ZNRF2: variants seen among roughly 807,000 people sequenced by gnomAD.
The protein encoded by ZNRF2 is zinc and ring finger 2.
A neutral mutation model predicts 20.4 loss-of-function variants in ZNRF2; 16 were observed. The observed-to-expected ratio is 0.79, with a 90% CI of 0.53 to 1.19. The LOEUF (loss-of-function observed/expected upper bound fraction) is 1.19, where lower values mean the gene tolerates loss of function less well. Ranked by LOEUF, ZNRF2 falls within the 50% of genes most tolerant of loss-of-function variation. ZNRF2 has a pLI of 0.00. For missense variants in ZNRF2, 363 were observed against 332.4 expected (o/e 1.09, Z -0.72); for synonymous variants, 178 against 144.9 (o/e 1.23, Z -1.64).
chr7:30,326,868 G>T (rs1271814383), intron 2 of ZNRF2, among the ~76,000 whole-genome samples: 1 of 151,932 alleles, frequency 6.6e-6, no homozygotes, highest in African/African-American at 2.4e-5. Flanking sequence ...GTTTTGATTT[G>T]CATTTCTCTA....
chr7:30,355,915 C>G (rs144892006), intron 3 of ZNRF2, 82 bp downstream of exon 3: 19 of 959,182 alleles, frequency 2.0e-5, no homozygotes, highest in Non-Finnish European at 2.9e-5. Context: ...AAGGAATCTT[C>G]GTTGAAACCA....
chr7:30,286,827 C>G (rs1454498920), intron 1 of ZNRF2, among the ~76,000 whole-genome samples: 1 of 152,176 alleles, frequency 6.6e-6, no homozygotes, highest in East Asian at 1.9e-4. Context: ...AAATTAGCAA[C>G]TGAGCACAGA....
At chr7:30,357,486 A>G (rs1800059138) in intron 3 of ZNRF2, among the ~76,000 whole-genome samples, 2 of 152,250 alleles carry the variant, frequency 1.3e-5, no homozygotes, top group South Asian at 4.1e-4. Context: ...GGTTCATGTT[A>G]CAGTAGAAAG....
At position 30,287,848 on chromosome 7, in the gene ZNRF2, A is replaced by G. The variant is rs183760144; in HGVS notation, c.469+2022A>G. Among the ~76,000 whole-genome samples, 573 of 152,224 alleles carry G rather than the reference A, an allele frequency of 3.8e-3. 5 individuals are homozygous for G. The highest frequency in any genetic ancestry group is 0.013 in the African/African-American group (547 of 41,444). ...GTTTTAGTTATGTATCATTCTTGGAACAATTGAGAAAAGTCACTGAAATAA... is the reference window on the plus strand; with the variant it reads ...GTTTTAGTTATGTATCATTCTTGGAGCAATTGAGAAAAGTCACTGAAATAA... On this transcript the variant is annotated intron_variant, in intron 1 of 4. Coordinates refer to ENST00000323037, the MANE Select transcript of ZNRF2 (RefSeq NM_147128.4).
At chr7:30,289,348 T>A (rs1420851491) in intron 1 of ZNRF2, among the ~76,000 whole-genome samples, 1 of 152,252 alleles carries the variant, frequency 6.6e-6, no homozygotes, top group Non-Finnish European at 1.5e-5. Context: ...TGTGAAGTTT[T>A]ATGGTGTTAG....
intron 1 of ZNRF2, chr7:30,288,982 CA>C (rs1397998561): frequency 6.6e-6 from 1 of 152,094 alleles, no homozygotes. Context: ...TTTAATGATG[CA>C]GCAAGGATGG....
At chr7:30,355,659 A>T in intron 2 of ZNRF2, 69 bp from the exon 3 acceptor site, 3 of 1,276,046 alleles carry the variant, frequency 2.4e-6, no homozygotes, top group Non-Finnish European at 3.4e-6. Flanking sequence ...ATCAGTTAGC[A>T]TTCACGTAAT....
intron 2 of ZNRF2, among the ~76,000 whole-genome samples, chr7:30,328,031 A>G (rs1036051434): frequency 6.6e-6 from 1 of 152,198 alleles, no homozygotes; most frequent in Non-Finnish European, 1.5e-5. Flanking sequence ...TGAAGGAGAA[A>G]GGAGCTTTGC....
At chr7:30,296,374 G>C (rs576225955) in intron 1 of ZNRF2, among the ~76,000 whole-genome samples, 3 of 152,276 alleles carry the variant, frequency 2.0e-5, no homozygotes, top group African/African-American at 7.2e-5. Context: ...TTTTGTGGGC[G>C]GTTGGAGATG....
chr7:30,295,265 A>G (rs913822714), intron 1 of ZNRF2, among the ~76,000 whole-genome samples: 1 of 152,070 alleles, frequency 6.6e-6, no homozygotes, highest in African/African-American at 2.4e-5. Flanking sequence ...TGAGTTCCGC[A>G]TCTGTCCATA....
At chr7:30,304,668 T>C (rs1326568100) in intron 1 of ZNRF2, among the ~76,000 whole-genome samples, 1 of 152,144 alleles carries the variant, frequency 6.6e-6, no homozygotes, top group Non-Finnish European at 1.5e-5. Context: ...TTTAGGGCCA[T>C]GGGTTGGGTC....
intron 3 of ZNRF2, among the ~76,000 whole-genome samples, chr7:30,358,884 C>T (rs1432116506): frequency 6.6e-6 from 1 of 152,102 alleles, no homozygotes; most frequent in South Asian, 2.1e-4. Context: ...TAGTTTTTTT[C>T]TCTCTCGATT....
At chr7:30,294,677 G>C (rs1157602860) in intron 1 of ZNRF2, among the ~76,000 whole-genome samples, 1 of 151,976 alleles carries the variant, frequency 6.6e-6, no homozygotes, top group African/African-American at 2.4e-5. Context: ...CAGCTTACTA[G>C]GGGGTGCTGA....
At chr7:30,295,877 T>C (rs1321325833) in intron 1 of ZNRF2, among the ~76,000 whole-genome samples, 1 of 152,204 alleles carries the variant, frequency 6.6e-6, no homozygotes. Context: ...AGAAAGACCA[T>C]GTGCTTTACT....
intron 2 of ZNRF2, among the ~76,000 whole-genome samples, chr7:30,326,403 C>T (rs994758663): frequency 6.6e-6 from 1 of 152,202 alleles, no homozygotes; most frequent in African/African-American, 2.4e-5. Flanking sequence ...TTTTCTGTTC[C>T]TGTGTGAGTT....
intron 1 of ZNRF2, among the ~76,000 whole-genome samples, chr7:30,293,248 ATT>A (rs71557451): frequency 4.1e-4 from 55 of 133,662 alleles, no homozygotes; most frequent in African/African-American, 6.3e-4. Context: ...AAATTTTTAC[ATT>A]TTTTTTTTTT....
At chr7:30,321,951 G>T (rs1449017533) in intron 1 of ZNRF2, among the ~76,000 whole-genome samples, 4 of 151,332 alleles carry the variant, frequency 2.6e-5, no homozygotes, top group Admixed American at 6.6e-5. Flanking sequence ...ATTTTTAGGG[G>T]TGTCTAATCT....
rs967716382 is a variant in ZNRF2, at chr7:30,356,938, C to T, written c.671+1105C>T. ...GCCAGGATGGTCTTGATCTCCTGAC[C>T]GCATGATGTGCCCGCCTTGGCCTCC... On this transcript the variant is annotated intron_variant, in intron 3 of 4. Transcript: ENST00000323037. Among the ~76,000 whole-genome samples the T allele has an allele frequency of 1.3e-4, 20 of 152,006 alleles. 1 individual carries two copies. The highest frequency in any genetic ancestry group is 8.5e-4 in the Admixed American group (13 of 15,266).
chr7:30,307,026 T>G (rs1268650169), intron 1 of ZNRF2, among the ~76,000 whole-genome samples: 1 of 152,154 alleles, frequency 6.6e-6, no homozygotes, highest in East Asian at 1.9e-4. Context: ...CCTCTATCCC[T>G]TCTGGAACCA....
Sources: allele counts gnomAD v4.1 joint callset (sites outside exome capture counted in the v4.1 genomes callset), GRCh38; gene constraint gnomAD v4.1.1; transcripts MANE v1.5; gene names NCBI Gene and HGNC (gene_info 2026-07-23, HGNC 2026-07-21).